The following GPM6A variants were observed in gnomAD, a reference collection of about 807,000 sequenced individuals.
The protein encoded by GPM6A is glycoprotein M6A.
GPM6A carries 7 observed loss-of-function variants against 32.1 expected under a neutral mutation model. That is an observed-to-expected ratio of 0.22 (90% confidence interval 0.12 to 0.41). GPM6A has a LOEUF of 0.41. Ranked by LOEUF, GPM6A falls within the 10% of genes least tolerant of loss-of-function variation. The pLI is 1.00. For missense variants in GPM6A, 235 were observed against 347.2 expected, an observed-to-expected ratio of 0.68 and a Z score of 2.57; for synonymous variants, 130 against 123.4, an observed-to-expected ratio of 1.05 and a Z score of -0.35.
intron 1 of GPM6A, among the ~76,000 whole-genome samples, chr4:175,993,880 C>T (rs1045957528): frequency 1.3e-5 from 2 of 152,216 alleles, no homozygotes; most frequent in South Asian, 4.1e-4. Context: ...GCAGTATTTA[C>T]TGAACTCCAG....
At chr4:175,985,334 A>G (rs530200974) in intron 1 of GPM6A, among the ~76,000 whole-genome samples, 1 of 152,306 alleles carries the variant, frequency 6.6e-6, no homozygotes, top group South Asian at 2.1e-4. Flanking sequence ...GGATTAGTAT[A>G]AAACTTTTTG....
rs868152587 is a variant in GPM6A, at chr4:175,774,656, T to C, written c.37+37535A>G. Among the ~76,000 whole-genome samples, 7 of 152,188 alleles carry C rather than the reference T, an allele frequency of 4.6e-5. No homozygotes were observed. In the South Asian group the frequency reaches 1.5e-3, roughly 32 times the overall value. On this transcript the variant is annotated intron_variant, in intron 1 of 6. Coordinates refer to ENST00000393658, the MANE Select transcript of GPM6A (RefSeq NM_201591.3). ...AAATATTTTATTCAATGAAGAGTCTTGTATATAATGGTAAGATCCTTGTCA... is the reference window on the plus strand; with the variant it reads ...AAATATTTTATTCAATGAAGAGTCTCGTATATAATGGTAAGATCCTTGTCA...
chr4:175,642,061 C>G (rs759367047), intron 4 of GPM6A: 4 of 152,170 alleles, frequency 2.6e-5, no homozygotes, highest in African/African-American at 4.8e-5. Context: ...AACTCTCCCT[C>G]TCTTACAGAG....
chr4:175,946,119 C>T (rs1561006137), intron 1 of GPM6A, among the ~76,000 whole-genome samples: 1 of 151,876 alleles, frequency 6.6e-6, no homozygotes, highest in Non-Finnish European at 1.5e-5. Flanking sequence ...CTTGTACCCC[C>T]TAAATCTATA....
At chr4:175,903,973 A>C (rs1738046742) in intron 1 of GPM6A, among the ~76,000 whole-genome samples, 1 of 152,180 alleles carries the variant, frequency 6.6e-6, no homozygotes, top group Non-Finnish European at 1.5e-5. Context: ...GGGGAAATAC[A>C]TGTGAAGAGA....
intron 1 of GPM6A, among the ~76,000 whole-genome samples, chr4:175,908,423 C>T (rs1738199038): frequency 6.6e-6 from 1 of 152,082 alleles, no homozygotes. Flanking sequence ...CTGCCAATAT[C>T]CTACCAGTCT....
chr4:175,893,922 T>C (rs958038264), intron 1 of GPM6A, among the ~76,000 whole-genome samples: 2 of 152,186 alleles, frequency 1.3e-5, no homozygotes, highest in African/African-American at 2.4e-5. Context: ...ATATAAAATA[T>C]AATGATCAAC....
At chr4:175,749,010 C>A (rs997076476) in intron 1 of GPM6A, among the ~76,000 whole-genome samples, 16 of 152,188 alleles carry the variant, frequency 1.1e-4, no homozygotes, top group African/African-American at 3.4e-4. Context: ...TCTTTAACTT[C>A]CCCCCACCTC....
chr4:175,664,277 T>C (rs1010202277), intron 3 of GPM6A, among the ~76,000 whole-genome samples: 3 of 152,182 alleles, frequency 2.0e-5, no homozygotes, highest in African/African-American at 7.2e-5. Flanking sequence ...CACAACATTA[T>C]ACGTTTGTCC....
At chr4:175,852,219 AT>A (rs775538620) in intron 1 of GPM6A, among the ~76,000 whole-genome samples, 14 of 152,188 alleles carry the variant, frequency 9.2e-5, no homozygotes, top group Non-Finnish European at 1.6e-4. Flanking sequence ...GAATGAATAA[AT>A]AAATAAGTGG....
At chr4:175,844,930 T>G (rs991733460) in intron 1 of GPM6A, among the ~76,000 whole-genome samples, 1 of 152,104 alleles carries the variant, frequency 6.6e-6, no homozygotes, top group African/African-American at 2.4e-5. Flanking sequence ...ATAAATATGT[T>G]AAGCACTTTT....
chr4:175,801,434 C>G (rs996786763), intron 1 of GPM6A, among the ~76,000 whole-genome samples: 37 of 151,920 alleles, frequency 2.4e-4, no homozygotes, highest in African/African-American at 6.5e-4. Context: ...TGACGTGGTT[C>G]AAACTAATAT....
chr4:175,665,415 T>C (rs960358126), intron 3 of GPM6A, among the ~76,000 whole-genome samples: 1 of 151,774 alleles, frequency 6.6e-6, no homozygotes, highest in African/African-American at 2.4e-5. Context: ...TAAAAAAAAA[T>C]AAAATCGAGC....
chr4:175,962,335 A>C, intron 1 of GPM6A: 1 of 871,552 alleles, frequency 1.1e-6, no homozygotes, highest in South Asian at 1.3e-5. Context: ...ACTCCTGAAC[A>C]TCAGCTTCTT....
chr4:175,773,658 C>T (rs1733279473), intron 1 of GPM6A, among the ~76,000 whole-genome samples: 2 of 152,004 alleles, frequency 1.3e-5, no homozygotes. Context: ...AACAGAAGCA[C>T]AATTATATGT....
chr4:176,001,320 ACT>A (rs1346990987), intron 1 of GPM6A, among the ~76,000 whole-genome samples: 1 of 152,140 alleles, frequency 6.6e-6, no homozygotes, highest in Non-Finnish European at 1.5e-5. Flanking sequence ...TGGAAGAGTA[ACT>A]CGGGCTGCGG....
intron 1 of GPM6A, among the ~76,000 whole-genome samples, chr4:175,773,000 C>A (rs944753442): frequency 6.6e-6 from 1 of 152,126 alleles, no homozygotes; most frequent in African/African-American, 2.4e-5. Context: ...ATACTAAAAG[C>A]CTTTTATGAT....
At chr4:175,804,856 T>C (rs1007461745) in intron 1 of GPM6A, among the ~76,000 whole-genome samples, 1 of 151,944 alleles carries the variant, frequency 6.6e-6, no homozygotes, top group Non-Finnish European at 1.5e-5. Flanking sequence ...CCATCCTGGC[T>C]AACACAGTGA....
In GPM6A at chr4:175,701,847, G is replaced by A; in HGVS notation, c.38-80C>T. ...TTTTTTTCAAACTTCAGCACTATGG[G>A]AAAGTATATTTGCACTGACAATACC... On this transcript the variant is annotated intron_variant, in intron 1 of 6. Coordinates refer to ENST00000393658, the MANE Select transcript of GPM6A (RefSeq NM_201591.3). 3.1e-6 allele frequency: 3 copies of A among 971,948 alleles called. No individual in the cohort carries two copies. The South Asian group carries it at 4.6e-5, about 15-fold the overall frequency. 60.2% of individuals were successfully genotyped at this position (971,948 alleles called of 1,614,324 possible).
Sources: gnomAD v4.1 joint callset for allele counts (sites outside exome capture counted in the v4.1 genomes callset) on GRCh38, gnomAD v4.1.1 for gene constraint, MANE v1.5 for transcripts, NCBI Gene and HGNC (gene_info 2026-07-23, HGNC 2026-07-21) for gene names.